PDE2A: variants seen among roughly 807,000 people sequenced by gnomAD.
PDE2A encodes the protein phosphodiesterase 2A, also known as cGMP-dependent 3',5'-cyclic phosphodiesterase.
In PDE2A, 53 loss-of-function variants were observed where a neutral mutation model predicts 133.6. The ratio of observed to expected loss-of-function variants is 0.40; its 90% CI spans 0.32 to 0.50. The LOEUF is 0.50. Ranked by LOEUF, PDE2A falls within the 20% of genes least tolerant of loss-of-function variation. The pLI, the probability that PDE2A is intolerant of heterozygous loss-of-function variation, is 0.73. For synonymous variants in PDE2A, 491 were observed against 490.2 expected (o/e 1.00, Z -0.02); for missense variants, 796 against 1,232.4 (o/e 0.65, Z 5.30).
intron 1 of PDE2A, among the ~76,000 whole-genome samples, chr11:72,648,368 G>C (rs1320645673): frequency 6.6e-6 from 1 of 152,214 alleles, no homozygotes; most frequent in African/African-American, 2.4e-5. Context: ...TGTGGGGGTA[G>C]CCCTCACAGA....
intron 2 of PDE2A, among the ~76,000 whole-genome samples, chr11:72,639,203 TC>T (rs1195635618): frequency 6.6e-6 from 1 of 152,056 alleles, no homozygotes. Flanking sequence ...GTCTAGAGGG[TC>T]CCCAAAGGTG....
chr11:72,648,123 CA>C (rs1565191459), intron 1 of PDE2A, among the ~76,000 whole-genome samples: 1 of 152,176 alleles, frequency 6.6e-6, no homozygotes, highest in Admixed American at 6.5e-5. Context: ...TAGCCCAGGT[CA>C]GAGAGAGAGC....
intron 1 of PDE2A, among the ~76,000 whole-genome samples, chr11:72,665,247 T>G (rs1248147393): frequency 1.3e-5 from 2 of 151,996 alleles, no homozygotes; most frequent in East Asian, 3.9e-4. Flanking sequence ...CCAGAGCCCA[T>G]GTTTGAGCCC....
At chr11:72,665,748 C>T (rs553890523) in intron 1 of PDE2A, among the ~76,000 whole-genome samples, 6 of 152,236 alleles carry the variant, frequency 3.9e-5, no homozygotes, top group Non-Finnish European at 5.9e-5. Flanking sequence ...CTGTCTCCCA[C>T]GCAGCCCTTT....
intron 2 of PDE2A, among the ~76,000 whole-genome samples, chr11:72,616,339 G>T (rs989714608): frequency 6.6e-6 from 1 of 152,114 alleles, no homozygotes; most frequent in Non-Finnish European, 1.5e-5. Context: ...CCCCACCATG[G>T]CATGCACTGT....
intron 3 of PDE2A, among the ~76,000 whole-genome samples, chr11:72,606,755 G>A (rs775872849): frequency 6.6e-6 from 1 of 152,172 alleles, no homozygotes; most frequent in Admixed American, 6.5e-5. Flanking sequence ...ACCAGCCGGG[G>A]TTACACAGAA....
intron 26 of PDE2A, 27 bp downstream of exon 26, chr11:72,579,507 T>TTCCCCCCCCCCCC: frequency 7.4e-7 from 1 of 1,354,174 alleles, no homozygotes; most frequent in Non-Finnish European, 1.0e-6. Flanking sequence ...TCCCCCTCAA[T>TTCCCCCCCCCCCC]CCCCACCCCA....
intron 2 of PDE2A, among the ~76,000 whole-genome samples, chr11:72,609,635 A>G (rs1032634549): frequency 6.6e-6 from 1 of 152,292 alleles, no homozygotes; most frequent in African/African-American, 2.4e-5. Flanking sequence ...GGCCAGAGCC[A>G]TGGGGATCAA....
In PDE2A at chr11:72,579,039, G is replaced by C. The variant is rs562730903; in HGVS notation, c.2357-30C>G. 10 of 1,492,772 alleles carry C rather than the reference G, an allele frequency of 6.7e-6. No individual in the cohort carries two copies. The Admixed American group carries it at 6.8e-5, about 10-fold the overall frequency. The allele number at this position is 1,492,772 out of a possible 1,614,324, so 92.5% of individuals were successfully genotyped here. A position where few individuals can be genotyped will look rare whatever the true frequency, so the allele number is the denominator to read the frequency against. On this transcript the variant is annotated intron_variant, in intron 27 of 30. Coordinates refer to ENST00000334456, the MANE Select transcript of PDE2A (RefSeq NM_002599.5). ...TGAGGGGAGGATGGGGTCAAGGAGC[G>C]GGGCCCAGCCTCTTTGCCCTTCTGA...
At chr11:72,582,251 A>G in intron 21 of PDE2A, 193 bp downstream of exon 21, 1 of 638,754 alleles carries the variant, frequency 1.6e-6, no homozygotes, top group Non-Finnish European at 2.7e-6. Flanking sequence ...GGGATCATCC[A>G]GTCCAGCCTC....
At position 72,630,807 on chromosome 11, in the gene PDE2A, G is replaced by A. The variant is rs114099340; in HGVS notation, c.144+11447C>T. Reference sequence around the variant, plus strand: ...GGCAGAGAATCAACGGGAATTGTTGGGTGAGGGTGGGGAGGACAAGGGAGG... The same window carrying A: ...GGCAGAGAATCAACGGGAATTGTTGAGTGAGGGTGGGGAGGACAAGGGAGG... On this transcript the variant is annotated intron_variant, in intron 2 of 30. Transcript: ENST00000334456. Among the ~76,000 whole-genome samples the A allele has an allele frequency of 1.1e-3, 160 of 152,122 alleles. 1 individual carries two copies. The highest frequency in any genetic ancestry group is 3.5e-3 in the African/African-American group (146 of 41,486).
chr11:72,588,952 C>T (rs773800409), intron 12 of PDE2A, 38 bp from the exon 13 acceptor site: 44 of 1,574,920 alleles, frequency 2.8e-5, no homozygotes, highest in East Asian at 1.6e-4. Flanking sequence ...GGAAGCAGGG[C>T]GCAGTATGCT....
intron 2 of PDE2A, among the ~76,000 whole-genome samples, chr11:72,633,244 G>A (rs1185236382): frequency 1.3e-5 from 2 of 152,190 alleles, no homozygotes; most frequent in Non-Finnish European, 2.9e-5. Context: ...GGAGGGTGGA[G>A]TCTGCTTTAG....
intron 18 of PDE2A, 69 bp downstream of exon 18, chr11:72,584,482 A>T: frequency 6.7e-7 from 1 of 1,494,212 alleles, no homozygotes; most frequent in Non-Finnish European, 9.1e-7. Context: ...AAGTGTTGCC[A>T]CCCCCGCTCG....
intron 5 of PDE2A, 122 bp from the exon 6 acceptor site, chr11:72,596,770 G>A: frequency 2.0e-6 from 1 of 495,802 alleles, no homozygotes; most frequent in Non-Finnish European, 3.4e-6. Context: ...GAGACACACA[G>A]AGACCCCAAA....
intron 1 of PDE2A, chr11:72,658,344 C>T (rs1301475354): frequency 2.8e-6 from 1 of 360,730 alleles, no homozygotes; most frequent in Non-Finnish European, 5.4e-6. Context: ...CCACCCTCAT[C>T]CAAGCAGGCT....
intron 4 of PDE2A, chr11:72,599,009 T>C (rs1178611660): frequency 3.0e-6 from 3 of 985,250 alleles, no homozygotes; most frequent in Admixed American, 1.2e-4. Flanking sequence ...ATTAAACTGA[T>C]GAAGGCTGAG....
chr11:72,577,278 T>A lies in PDE2A; in HGVS notation c.*106A>T. 2.6e-6 allele frequency: 2 copies of A among 770,114 alleles called. No homozygotes were observed. Among genetic ancestry groups the A allele is most frequent in the Non-Finnish European group, 4.2e-6 (2 of 472,342 alleles). The allele number at this position is 770,114 out of a possible 1,614,324, so 47.7% of individuals were successfully genotyped here. On this transcript the variant is annotated 3_prime_UTR_variant, in exon 31 of 31. Transcript: ENST00000334456. ...TACTTGTCCAGGGTCACACAGGAAG[T>A]CCTGGTCTAGGACCCAGGACCCGTG...
At chr11:72,664,963 C>A (rs182326436) in intron 1 of PDE2A, among the ~76,000 whole-genome samples, 1 of 152,100 alleles carries the variant, frequency 6.6e-6, no homozygotes. Context: ...TCCACCACCA[C>A]GCCCAGCTAA....
Sources: allele counts gnomAD v4.1 joint callset (sites outside exome capture counted in the v4.1 genomes callset), GRCh38; gene constraint gnomAD v4.1.1; transcripts MANE v1.5; gene names NCBI Gene and HGNC (gene_info 2026-07-23, HGNC 2026-07-21).